The following PRCP variants were observed in gnomAD, a reference collection of about 807,000 sequenced individuals.
PRCP encodes prolylcarboxypeptidase, also known as lysosomal Pro-X carboxypeptidase.
In PRCP, 46 loss-of-function variants were observed where a neutral mutation model predicts 54.2. That is an observed-to-expected ratio of 0.85 (90% confidence interval 0.67 to 1.09). The LOEUF (loss-of-function observed/expected upper bound fraction) is 1.09, where lower values mean the gene tolerates loss of function less well. Ranked by LOEUF, PRCP falls within the 50% of genes least tolerant of loss-of-function variation. PRCP has a pLI of 0.00. For synonymous variants in PRCP, 240 were observed against 212.2 expected, an observed-to-expected ratio of 1.13 and a Z score of -1.14; for missense variants, 613 against 596.8, an observed-to-expected ratio of 1.03 and a Z score of -0.28.
chr11:82,886,647 G>A (rs1591071869), intron 1 of PRCP, among the ~76,000 whole-genome samples: 1 of 152,246 alleles, frequency 6.6e-6, no homozygotes, highest in East Asian at 1.9e-4. Flanking sequence ...TGAAATATGA[G>A]GCAACATGGT....
chr11:82,853,653 A>C (rs890610748), intron 2 of PRCP, among the ~76,000 whole-genome samples: 13 of 152,314 alleles, frequency 8.5e-5, no homozygotes, highest in African/African-American at 2.6e-4. Flanking sequence ...TCCCTAACTC[A>C]TTCTATGAAG....
At position 82,860,078 on chromosome 11, in the gene PRCP, G is replaced by T; in HGVS notation, c.208C>A (p.Gln70Lys). ...FGFNTVKTFN[Q>K]RYLVADKYWK... ...TATTTATCAGCTACTAGGTACCGCTGATTAAAAGTTTTCACAGTATTAAAT... is the reference window on the plus strand; with the variant it reads ...TATTTATCAGCTACTAGGTACCGCTTATTAAAAGTTTTCACAGTATTAAAT... The change falls in exon 2 of 9, where the codon CAG (glutamine) becomes AAG (lysine). Residue 70 changes from glutamine (Q) to lysine (K), a missense_variant. By Grantham distance (53) the Gln-to-Lys change is moderately conservative. Coordinates refer to ENST00000313010, the MANE Select transcript of PRCP (RefSeq NM_005040.4). 6 of 1,565,098 alleles carry T rather than the reference G, an allele frequency of 3.8e-6. No individual in the cohort carries two copies. Among genetic ancestry groups the T allele is most frequent in the Non-Finnish European group, 5.2e-6 (6 of 1,154,662 alleles).
intron 1 of PRCP, among the ~76,000 whole-genome samples, chr11:82,886,834 T>C (rs1488401373): frequency 6.6e-6 from 1 of 152,214 alleles, no homozygotes; most frequent in Non-Finnish European, 1.5e-5. Context: ...ACAAGATGAA[T>C]ACAAAACAAC....
intron 1 of PRCP, among the ~76,000 whole-genome samples, chr11:82,873,066 G>GT (rs11415071): frequency 0.048 from 5,722 of 118,972 alleles, 234 homozygotes; most frequent in African/African-American, 0.13. Context: ...ATTCTGATCT[G>GT]TTTTTTTTTT....
At chr11:82,833,174 A>C (rs1305273227) in intron 8 of PRCP, among the ~76,000 whole-genome samples, 1 of 152,196 alleles carries the variant, frequency 6.6e-6, no homozygotes, top group Non-Finnish European at 1.5e-5. Context: ...AAAGATACAG[A>C]GATGATTAAG....
In PRCP at chr11:82,891,550, C is replaced by A. The variant is rs150459645; in HGVS notation, c.168+8685G>T. On this transcript the variant is annotated intron_variant, in intron 1 of 8. Coordinates refer to ENST00000313010, the MANE Select transcript of PRCP (RefSeq NM_005040.4). Reference sequence around the variant, plus strand: ...CCTTACAATGGCCCAGATGTCCCCGCATTATCTGGCTCCCTGAACCTCCTT... The same window carrying A: ...CCTTACAATGGCCCAGATGTCCCCGAATTATCTGGCTCCCTGAACCTCCTT... Among the ~76,000 whole-genome samples the A allele has an allele frequency of 3.6e-3, 548 of 152,326 alleles. 6 individuals carry two copies. The highest frequency in any genetic ancestry group is 0.012 in the African/African-American group (514 of 41,566).
At chr11:82,827,232 A>G (rs913312812) in intron 8 of PRCP, 1 of 152,128 alleles carries the variant, frequency 6.6e-6, no homozygotes, top group Admixed American at 6.6e-5. Flanking sequence ...AACTTTCTTG[A>G]TAGTATCATT....
At chr11:82,873,441 A>C (rs946891402) in intron 1 of PRCP, among the ~76,000 whole-genome samples, 1 of 152,216 alleles carries the variant, frequency 6.6e-6, no homozygotes, top group Non-Finnish European at 1.5e-5. Flanking sequence ...CAAGGCCATC[A>C]GGCTCCCCCC....
intron 8 of PRCP, chr11:82,836,894 C>T (rs184399883): frequency 9.1e-5 from 35 of 386,604 alleles, no homozygotes; most frequent in South Asian, 2.8e-4. Context: ...GTTCTACAGA[C>T]GGTAATAACC....
At chr11:82,875,810 T>C (rs1859589752) in intron 1 of PRCP, among the ~76,000 whole-genome samples, 1 of 152,080 alleles carries the variant, frequency 6.6e-6, no homozygotes, top group South Asian at 2.1e-4. Context: ...GAAGGCAAAC[T>C]CAAGAGAAGC....
At chr11:82,838,253 A>C (rs1317530166) in intron 8 of PRCP, 134 bp downstream of exon 8, 2 of 776,926 alleles carry the variant, frequency 2.6e-6, no homozygotes, top group South Asian at 2.9e-5. Context: ...CTTTCAAGGC[A>C]TAGGAAAACA....
chr11:82,865,669 A>T (rs1466374792), intron 1 of PRCP, among the ~76,000 whole-genome samples: 2 of 152,212 alleles, frequency 1.3e-5, no homozygotes, highest in Non-Finnish European at 2.9e-5. Context: ...AAGCACCTTA[A>T]AGGAGTTTTT....
intron 1 of PRCP, among the ~76,000 whole-genome samples, chr11:82,874,825 T>C (rs1015953193): frequency 1.3e-5 from 2 of 152,110 alleles, no homozygotes; most frequent in African/African-American, 4.8e-5. Flanking sequence ...AGTTAAGCCT[T>C]TAATCCACAC....
chr11:82,871,719 G>A (rs1859487725), intron 1 of PRCP, among the ~76,000 whole-genome samples: 1 of 152,158 alleles, frequency 6.6e-6, no homozygotes, highest in Non-Finnish European at 1.5e-5. Context: ...GAACTGTGAT[G>A]ACCTCATAAA....
chr11:82,895,037 A>T (rs1423609496), intron 1 of PRCP, among the ~76,000 whole-genome samples: 3 of 152,196 alleles, frequency 2.0e-5, no homozygotes, highest in Non-Finnish European at 4.4e-5. Flanking sequence ...TTTTAATCCT[A>T]TTGATTTTAA....
At chr11:82,842,744 G>T (rs560331158) in intron 6 of PRCP, among the ~76,000 whole-genome samples, 1 of 152,044 alleles carries the variant, frequency 6.6e-6, no homozygotes, top group Non-Finnish European at 1.5e-5. Flanking sequence ...TACTATGCTA[G>T]ATAGAAAGCC....
At chr11:82,832,051 T>A (rs1189401513) in intron 8 of PRCP, among the ~76,000 whole-genome samples, 2 of 152,208 alleles carry the variant, frequency 1.3e-5, no homozygotes, top group Admixed American at 1.3e-4. Flanking sequence ...CATGAACTCA[T>A]CCTTTTTATG....
At position 82,889,201 on chromosome 11, in the gene PRCP, T is replaced by TA. The variant is rs1177366505; in HGVS notation, c.168+11033dup. On this transcript the variant is annotated intron_variant, in intron 1 of 8. Coordinates refer to ENST00000313010, the MANE Select transcript of PRCP (RefSeq NM_005040.4). ...ATAGCAAGACCCCATTTCTTTTTTTTAAAAAAAATATCCAGGCATGGTGGC... is the reference window on the plus strand; with the variant it reads ...ATAGCAAGACCCCATTTCTTTTTTTTAAAAAAAAATATCCAGGCATGGTGGC... Among the ~76,000 whole-genome samples, 7 of 151,196 alleles carry TA rather than the reference T, an allele frequency of 4.6e-5. 1 individual carries two copies. The South Asian group carries it at 8.4e-4, about 18-fold the overall frequency.
At chr11:82,888,358 G>C (rs944039868) in intron 1 of PRCP, among the ~76,000 whole-genome samples, 1 of 152,196 alleles carries the variant, frequency 6.6e-6, no homozygotes, top group African/African-American at 2.4e-5. Flanking sequence ...CAGCACCACA[G>C]GGCAACCTGA....
Sources: gnomAD v4.1 joint callset for allele counts (sites outside exome capture counted in the v4.1 genomes callset) on GRCh38, gnomAD v4.1.1 for gene constraint, MANE v1.5 for transcripts, NCBI Gene and HGNC (gene_info 2026-07-23, HGNC 2026-07-21) for gene names.